TRIO: variants seen among roughly 807,000 people sequenced by gnomAD.
TRIO encodes the protein triple functional domain protein.
In TRIO, 58 loss-of-function variants were observed where a neutral mutation model predicts 351.9. The observed-to-expected ratio is 0.16, with a 90% CI of 0.13 to 0.21. The LOEUF is 0.21. TRIO is among the 10% of genes least tolerant of loss of function. The pLI is 1.00. For missense variants in TRIO, 3,201 were observed against 4,027.8 expected, an observed-to-expected ratio of 0.79 and a Z score of 5.56; for synonymous variants, 1,758 against 1,595.7, an observed-to-expected ratio of 1.10 and a Z score of -2.42.
At chr5:14,334,373 A>G (rs1741200995) in intron 10 of TRIO, among the ~76,000 whole-genome samples, 1 of 152,206 alleles carries the variant, frequency 6.6e-6, no homozygotes, top group Non-Finnish European at 1.5e-5. Flanking sequence ...TTCTTCAAGC[A>G]CAAGATTAAA....
chr5:14,205,485 T>C (rs1791399035), intron 1 of TRIO, among the ~76,000 whole-genome samples: 1 of 152,204 alleles, frequency 6.6e-6, no homozygotes, highest in Non-Finnish European at 1.5e-5. Flanking sequence ...ATCTTGTATC[T>C]GAAGTTCCTT....
chr5:14,343,565 C>T (rs1335968333), intron 11 of TRIO, among the ~76,000 whole-genome samples: 1 of 152,132 alleles, frequency 6.6e-6, no homozygotes, highest in Non-Finnish European at 1.5e-5. Flanking sequence ...TTGACACACC[C>T]ACTTTGTCGC....
intron 1 of TRIO, among the ~76,000 whole-genome samples, chr5:14,238,447 C>G (rs935178340): frequency 6.6e-6 from 1 of 152,188 alleles, no homozygotes; most frequent in East Asian, 1.9e-4. Flanking sequence ...CCAGAGCATT[C>G]GCAGCCTCCA....
chr5:14,247,789 A>G (rs745661995), intron 1 of TRIO, among the ~76,000 whole-genome samples: 10 of 152,178 alleles, frequency 6.6e-5, no homozygotes, highest in Non-Finnish European at 1.5e-4. Context: ...ACCACTAGGC[A>G]GGGCACGGTG....
At chr5:14,481,770 C>CT in intron 45 of TRIO, 152 bp downstream of exon 45, 11 of 363,734 alleles carry the variant, frequency 3.0e-5, no homozygotes, top group South Asian at 2.0e-4. Flanking sequence ...TATTTTATTT[C>CT]CTTTTTTTTT....
chr5:14,191,566 A>G (rs1356653138), intron 1 of TRIO, among the ~76,000 whole-genome samples: 2 of 150,422 alleles, frequency 1.3e-5, no homozygotes, highest in Middle Eastern at 3.4e-3. Context: ...TGGTAGTAGT[A>G]GTACATCTTC....
chr5:14,181,189 T>A (rs1561171969), intron 1 of TRIO, among the ~76,000 whole-genome samples: 2 of 151,916 alleles, frequency 1.3e-5, no homozygotes, highest in African/African-American at 2.4e-5. Flanking sequence ...AAAAGACATC[T>A]TATTTAAGGG....
At chr5:14,488,516 C>T (rs1438272584) in intron 48 of TRIO, 2 of 547,412 alleles carry the variant, frequency 3.7e-6, no homozygotes, top group Non-Finnish European at 6.3e-6. Context: ...TGGTTTCTTC[C>T]ATTTCCAACC....
At chr5:14,232,981 A>G (rs1793541232) in intron 1 of TRIO, among the ~76,000 whole-genome samples, 1 of 152,182 alleles carries the variant, frequency 6.6e-6, no homozygotes, top group Non-Finnish European at 1.5e-5. Flanking sequence ...GTGGAACCAG[A>G]CTGCAGTTGA....
chr5:14,332,540 T>C (rs1386345701), intron 10 of TRIO, among the ~76,000 whole-genome samples: 2 of 152,202 alleles, frequency 1.3e-5, no homozygotes, highest in East Asian at 3.8e-4. Context: ...GTAAGTTTGG[T>C]TCCTAATATA....
Position 14,508,175 on chromosome 5 carries a change from T to G in TRIO, c.9047T>G (p.Phe3016Cys). ...GACTTTAGCTTCCCAGATGACTACT[T>G]TAAAGGAGTGAGCCAGAAGGCCAAG... ...RLDFSFPDDY[F>C]KGVSQKAKEF... The change falls in exon 57 of 57, where the codon TTT becomes TGT. Residue 3016 changes from phenylalanine (F) to cysteine (C), a missense_variant. Phe to Cys is a radical substitution (Grantham distance 205). This residue lies in a region of TRIO where 233 missense variants were observed against 292.6 expected (regional missense o/e 0.80). Coordinates refer to ENST00000344204, the MANE Select transcript of TRIO (RefSeq NM_007118.4). 6.2e-7 allele frequency: 1 copy of G among 1,614,156 alleles called. No homozygotes were observed. The highest frequency in any genetic ancestry group is 8.5e-7 in the Non-Finnish European group (1 of 1,180,026).
At chr5:14,381,972 A>G (rs1484747018) in intron 21 of TRIO, among the ~76,000 whole-genome samples, 3 of 152,134 alleles carry the variant, frequency 2.0e-5, no homozygotes, top group Admixed American at 2.0e-4. Flanking sequence ...CCTTCCAAGA[A>G]CTCACAACAG....
At chr5:14,357,832 T>C (rs775477186) in intron 11 of TRIO, among the ~76,000 whole-genome samples, 1 of 152,152 alleles carries the variant, frequency 6.6e-6, no homozygotes, top group Non-Finnish European at 1.5e-5. Flanking sequence ...TGAGGGTCTT[T>C]TCTTATTTCC....
At chr5:14,158,623 G>A (rs916744788) in intron 1 of TRIO, among the ~76,000 whole-genome samples, 3 of 152,138 alleles carry the variant, frequency 2.0e-5, no homozygotes, top group African/African-American at 7.2e-5. Flanking sequence ...CTTGAGCCCA[G>A]CAGTTTGAGA....
rs866358694 is a variant in TRIO at position 14,396,868 on chromosome 5, C to T, written c.4312-175C>T. Among the ~76,000 whole-genome samples the T allele has an allele frequency of 1.2e-4, 19 of 152,082 alleles. 1 individual carries two copies. The highest frequency in any genetic ancestry group is 4.2e-4 in the South Asian group (2 of 4,810). On this transcript the variant is annotated intron_variant, in intron 28 of 56. Transcript: ENST00000344204. Reference sequence around the variant, plus strand: ...TTACTCTGATTAGAACAGGACAAACCCTGCCATCCATTGAATAAAGAGGTA... The same window carrying T: ...TTACTCTGATTAGAACAGGACAAACTCTGCCATCCATTGAATAAAGAGGTA...
chr5:14,465,762 T>C, intron 37 of TRIO, 122 bp downstream of exon 37: 1 of 1,072,712 alleles, frequency 9.3e-7, no homozygotes, highest in Non-Finnish European at 1.4e-6. Flanking sequence ...TTATGGCACA[T>C]CTCAGGAGTC....
intron 1 of TRIO, among the ~76,000 whole-genome samples, chr5:14,182,376 G>A (rs1789840872): frequency 6.6e-6 from 1 of 152,242 alleles, no homozygotes; most frequent in African/African-American, 2.4e-5. Flanking sequence ...CTTTAGAGAT[G>A]CTTCTACCTT....
chr5:14,468,201 T>A (rs564667013), intron 37 of TRIO, among the ~76,000 whole-genome samples: 1 of 152,360 alleles, frequency 6.6e-6, no homozygotes, highest in Admixed American at 6.5e-5. Context: ...TTAATCTCCT[T>A]TTTCAATTCT....
intron 21 of TRIO, among the ~76,000 whole-genome samples, chr5:14,384,255 T>G (rs1366479234): frequency 1.3e-5 from 2 of 152,338 alleles, no homozygotes; most frequent in Middle Eastern, 3.4e-3. Context: ...CCCATAGGGC[T>G]TCCTGTGGTC....
Sources: allele counts gnomAD v4.1 joint callset (sites outside exome capture counted in the v4.1 genomes callset), GRCh38; gene constraint gnomAD v4.1.1; regional missense constraint gnomAD v4.1.1; transcripts MANE v1.5; gene names NCBI Gene and HGNC (gene_info 2026-07-23, HGNC 2026-07-21).